PALD1: variants seen among roughly 807,000 people sequenced by gnomAD.
PALD1 encodes the protein paladin.
PALD1 carries 57 observed loss-of-function variants against 96.0 expected under a neutral mutation model. That is an observed-to-expected ratio of 0.59 (90% CI 0.48 to 0.74). The LOEUF is 0.74. Among genes scored for constraint, PALD1 ranks in the 30% least tolerant of loss-of-function variants. The pLI is 0.00. For synonymous variants in PALD1, 464 were observed against 473.6 expected (o/e 0.98, Z 0.26); for missense variants, 1,063 against 1,143.7 (o/e 0.93, Z 1.02).
chr10:70,524,073 G>T (rs1846798838), intron 1 of PALD1, among the ~76,000 whole-genome samples: 2 of 152,184 alleles, frequency 1.3e-5, no homozygotes, highest in Non-Finnish European at 2.9e-5. Context: ...TTATGGGAGG[G>T]CTGGGGGGAG....
chr10:70,501,190 G>C (rs779559767), intron 1 of PALD1, among the ~76,000 whole-genome samples: 25 of 152,304 alleles, frequency 1.6e-4, no homozygotes, highest in Middle Eastern at 3.4e-3. Context: ...CTGGGGTCAG[G>C]CCTCCAGACC....
intron 16 of PALD1, 30 bp from the exon 17 acceptor site, chr10:70,541,433 G>A: frequency 6.2e-7 from 1 of 1,606,430 alleles, no homozygotes; most frequent in Non-Finnish European, 8.5e-7. Flanking sequence ...TTGGGAGGGG[G>A]CTTCTGTCTC....
At chr10:70,485,952 T>G in intron 1 of PALD1, 1 of 181,888 alleles carries the variant, frequency 5.5e-6, no homozygotes, top group East Asian at 1.4e-4. Context: ...GTGCAGATGT[T>G]TTCTCATGGC....
At chr10:70,555,523 G>A (rs1410074582) in intron 18 of PALD1, among the ~76,000 whole-genome samples, 1 of 152,246 alleles carries the variant, frequency 6.6e-6, no homozygotes, top group Non-Finnish European at 1.5e-5. Context: ...CGTTGGCAGG[G>A]AAGCTGCCAG....
intron 7 of PALD1, 50 bp from the exon 8 acceptor site, chr10:70,533,872 C>G: frequency 1.3e-6 from 2 of 1,489,462 alleles, no homozygotes; most frequent in Non-Finnish European, 1.8e-6. Context: ...CAGGCCTCAG[C>G]CCAGGGTTTC....
upstream of PALD1, among the ~76,000 whole-genome samples, chr10:70,476,170 G>C (rs1431209979): frequency 6.6e-6 from 1 of 152,176 alleles, no homozygotes; most frequent in African/African-American, 2.4e-5. Context: ...TCTTTTCTCA[G>C]GGGATTTTGG....
In PALD1 at chr10:70,566,839, AT is replaced by A. The variant is rs371533575; in HGVS notation, c.*108del. 2.1e-3 allele frequency: 1,426 copies of A among 687,558 alleles called. 29 individuals are homozygous for A. In the South Asian group the frequency reaches 0.027, roughly 13 times the overall value. 42.6% of individuals were successfully genotyped at this position (687,558 alleles called of 1,614,324 possible). On this transcript the variant is annotated 3_prime_UTR_variant, in exon 20 of 20. Transcript: ENST00000263563. ...CCTGAGGGGTGCTGGCCTTGAAATG[AT>A]TCCCCCACTTCCTGGAGAGACTGAG...
At chr10:70,501,608 A>C (rs1589178631) in intron 1 of PALD1, among the ~76,000 whole-genome samples, 1 of 152,312 alleles carries the variant, frequency 6.6e-6, no homozygotes, top group Middle Eastern at 3.4e-3. Flanking sequence ...GCTGTTGCAG[A>C]ACCATGGTTG....
In PALD1 at chr10:70,531,333, T is replaced by C. The variant is rs1846985579; in HGVS notation, c.512T>C (p.Leu171Pro). 8.7e-6 allele frequency: 14 copies of C among 1,613,958 alleles called. No homozygotes were observed. Among genetic ancestry groups the C allele is most frequent in the African/African-American group, 4.0e-5 (3 of 75,030 alleles). Residue 171 changes from leucine (L) to proline (P), a missense_variant, in exon 5 of 20, where the codon CTG (leucine) becomes CCG (proline). Leu to Pro is a moderately conservative substitution (Grantham distance 98). Transcript: ENST00000263563. Reference sequence around the variant, plus strand: ...GTGCGGGAGGAACCTGTGCTTTTCCTGCGTGCAGATGAGGACTTTGTGTCC... The same window carrying C: ...GTGCGGGAGGAACCTGTGCTTTTCCCGCGTGCAGATGAGGACTTTGTGTCC... Reference protein sequence around the residue: ...FCVREEPVLFLRADEDFVSYT... With the variant: ...FCVREEPVLFPRADEDFVSYT...
the PALD1 span, among the ~76,000 whole-genome samples, chr10:70,470,691 T>G: frequency 6.6e-6 from 1 of 151,032 alleles, no homozygotes; most frequent in African/African-American, 2.4e-5. Context: ...TCACTGCAAC[T>G]TCTGCCTCCT....
chr10:70,460,127 C>T, the PALD1 span, among the ~76,000 whole-genome samples: 1 of 152,218 alleles, frequency 6.6e-6, no homozygotes, highest in African/African-American at 2.4e-5. Context: ...GGCTAAGCTT[C>T]CCTTCCGCCG....
At chr10:70,499,796 G>C (rs993957362) in intron 1 of PALD1, among the ~76,000 whole-genome samples, 1 of 152,226 alleles carries the variant, frequency 6.6e-6, no homozygotes, top group Non-Finnish European at 1.5e-5. Context: ...TAGGCATTCA[G>C]GGCCAGACGG....
upstream of PALD1, among the ~76,000 whole-genome samples, chr10:70,474,788 C>G (rs1451732005): frequency 6.6e-6 from 1 of 152,160 alleles, no homozygotes; most frequent in Non-Finnish European, 1.5e-5. Context: ...TAATCCTGCC[C>G]ATAATATGAT....
the PALD1 span, among the ~76,000 whole-genome samples, chr10:70,463,254 A>G: frequency 9.2e-5 from 14 of 152,156 alleles, no homozygotes; most frequent in African/African-American, 3.1e-4. Flanking sequence ...AATGCAAAAA[A>G]TTAGCCGGGC....
Position 70,533,978 on chromosome 10 carries a change from C to T in PALD1, c.927C>T (p.Val309=). ...CCCACGGGCCTCCCCCAGCCCTCGTCTTCAGCTGCCAGATGGGCGTGGGCA... is the reference window on the plus strand; with the variant it reads ...CCCACGGGCCTCCCCCAGCCCTCGTTTTCAGCTGCCAGATGGGCGTGGGCA... The part of the protein sequence containing the change: ...RDAHGPPPAL[V]FSCQMGVGRT... Residue 309 remains valine (V), a synonymous_variant, in exon 8 of 20, where the codon GTC becomes GTT. Coordinates refer to ENST00000263563, the MANE Select transcript of PALD1 (RefSeq NM_014431.3). 1 of 1,613,460 alleles carries T rather than the reference C, an allele frequency of 6.2e-7. No homozygotes were observed. Among genetic ancestry groups the T allele is most frequent in the Non-Finnish European group, 8.5e-7 (1 of 1,179,692 alleles).
chr10:70,505,450 C>T (rs1251302088), intron 1 of PALD1, among the ~76,000 whole-genome samples: 1 of 151,898 alleles, frequency 6.6e-6, no homozygotes, highest in African/African-American at 2.4e-5. Flanking sequence ...AAAAAAAATA[C>T]AAAATTAGCC....
At position 70,526,089 on chromosome 10, in the gene PALD1, C is replaced by G. The variant is rs200534911; in HGVS notation, c.138C>G (p.Ser46Arg). 1 of 1,614,220 alleles carries G rather than the reference C, an allele frequency of 6.2e-7. No homozygotes were observed. The highest frequency in any genetic ancestry group is 1.7e-5 in the Admixed American group (1 of 60,030). The change falls in exon 2 of 20, where the codon AGC becomes AGG. Residue 46 changes from serine to arginine, a missense_variant. Coordinates refer to ENST00000263563, the MANE Select transcript of PALD1 (RefSeq NM_014431.3). ...TCCAGAGCACTAGCTTGCATAACAG[C>G]AAGGCCAAGTCCATCATCCCCAACA... ...HSFQSTSLHN[S>R]KAKSIIPNKV...
intron 18 of PALD1, among the ~76,000 whole-genome samples, chr10:70,557,973 A>T (rs1384328197): frequency 2.6e-5 from 3 of 115,728 alleles, no homozygotes; most frequent in South Asian, 2.9e-4. Context: ...TTGCTCTGTC[A>T]CCCAGGCTGC....
At chr10:70,547,776 A>G (rs184720254) in intron 18 of PALD1, among the ~76,000 whole-genome samples, 4 of 152,254 alleles carry the variant, frequency 2.6e-5, no homozygotes, top group Admixed American at 6.5e-5. Flanking sequence ...CTGTGGTGCC[A>G]GGCGTTAACC....
Sources: allele counts gnomAD v4.1 joint callset (sites outside exome capture counted in the v4.1 genomes callset), GRCh38; gene constraint gnomAD v4.1.1; transcripts MANE v1.5; gene names NCBI Gene and HGNC (gene_info 2026-07-23, HGNC 2026-07-21).